Variants in CSMD1 observed in about 807,000 individuals in gnomAD.
CSMD1 encodes the protein CUB and sushi domain-containing protein 1.
Under a neutral mutation model 417.5 loss-of-function variants are expected in CSMD1, and 213 were observed. The observed-to-expected ratio is 0.51, with a 90% CI of 0.46 to 0.57. CSMD1 has a LOEUF of 0.57. CSMD1 is among the 20% of genes least tolerant of loss of function. The pLI, the probability that CSMD1 is intolerant of heterozygous loss-of-function variation, is 0.00. For synonymous variants in CSMD1, 2,862 were observed against 1,736.8 expected (o/e 1.65, Z -16.11); for missense variants, 6,923 against 4,529.7 (o/e 1.53, Z -15.17).
chr8:3,722,199 C>G (rs1802218791), intron 6 of CSMD1, among the ~76,000 whole-genome samples: 2 of 152,114 alleles, frequency 1.3e-5, no homozygotes, highest in Admixed American at 6.5e-5. Context: ...GGCCCACCTA[C>G]TCGGGAGGCT....
intron 3 of CSMD1, among the ~76,000 whole-genome samples, chr8:4,333,599 G>A (rs1030059236): frequency 6.6e-6 from 1 of 152,144 alleles, no homozygotes; most frequent in Non-Finnish European, 1.5e-5. Context: ...TCTTGCTGTT[G>A]TTACTGATGC....
chr8:4,057,006 G>A (rs1435243984), intron 3 of CSMD1, among the ~76,000 whole-genome samples: 1 of 152,202 alleles, frequency 6.6e-6, no homozygotes, highest in Non-Finnish European at 1.5e-5. Flanking sequence ...ACGTGTGCAT[G>A]TGTCTTTATA....
At chr8:4,213,385 A>T (rs987099223) in intron 3 of CSMD1, among the ~76,000 whole-genome samples, 1 of 152,178 alleles carries the variant, frequency 6.6e-6, no homozygotes, top group Non-Finnish European at 1.5e-5. Context: ...TGAAATTTAC[A>T]TGCTTCAATC....
chr8:3,108,955 C>T (rs971341283), intron 43 of CSMD1, among the ~76,000 whole-genome samples: 1 of 152,160 alleles, frequency 6.6e-6, no homozygotes, highest in Non-Finnish European at 1.5e-5. Context: ...GTTCCACAGG[C>T]ACTCGGCACT....
intron 1 of CSMD1, among the ~76,000 whole-genome samples, chr8:4,964,480 C>T (rs191599550): frequency 4.6e-4 from 46 of 100,346 alleles, no homozygotes; most frequent in Non-Finnish European, 6.8e-4. Context: ...GATCCCATCA[C>T]AACACAGCAA....
At chr8:4,489,946 G>C (rs557868800) in intron 2 of CSMD1, among the ~76,000 whole-genome samples, 2 of 151,906 alleles carry the variant, frequency 1.3e-5, no homozygotes, top group African/African-American at 4.8e-5. Flanking sequence ...GTCTGTGATC[G>C]TCATTAAGTA....
In CSMD1 at chr8:4,685,500, C is replaced by G. The variant is rs146375141; in HGVS notation, c.86-47942G>C. ...TGAGGCAGGAGAATCGCTTAGAACT[C>G]AGGAGGCGGAGGTTGCAGTGAGTCG... is the stretch of plus-strand genomic sequence containing the variant. On this transcript the variant is annotated intron_variant, in intron 1 of 69. Transcript: ENST00000635120. Among the ~76,000 whole-genome samples, 1,391 of 152,112 alleles carry G rather than the reference C, an allele frequency of 9.1e-3. 19 individuals carry two copies. The highest frequency in any genetic ancestry group is 0.031 in the African/African-American group (1,300 of 41,494).
intron 12 of CSMD1, among the ~76,000 whole-genome samples, chr8:3,454,708 G>C (rs183073246): frequency 2.2e-4 from 34 of 152,326 alleles, no homozygotes; most frequent in Admixed American, 2.0e-3. Context: ...GCTTCCCCTT[G>C]TGGGTAACCC....
intron 7 of CSMD1, among the ~76,000 whole-genome samples, chr8:3,651,775 C>T (rs916007504): frequency 6.6e-6 from 1 of 151,792 alleles, no homozygotes; most frequent in Non-Finnish European, 1.5e-5. Flanking sequence ...AGAGCGCCTA[C>T]CACCATCAGA....
intron 12 of CSMD1, among the ~76,000 whole-genome samples, chr8:3,452,866 T>C (rs1815841281): frequency 6.6e-6 from 1 of 152,234 alleles, no homozygotes; most frequent in East Asian, 1.9e-4. Flanking sequence ...CTTTTTCTAT[T>C]GATTGGAATA....
chr8:3,325,716 C>T (rs1009214126), intron 23 of CSMD1, among the ~76,000 whole-genome samples: 3 of 152,178 alleles, frequency 2.0e-5, no homozygotes, highest in South Asian at 2.1e-4. Flanking sequence ...CCCAGCTACT[C>T]GGGAAGCTGA....
chr8:3,281,229 G>A (rs1167274473), intron 26 of CSMD1, among the ~76,000 whole-genome samples: 1 of 152,116 alleles, frequency 6.6e-6, no homozygotes, highest in East Asian at 1.9e-4. Context: ...GATCACCTGA[G>A]GTAAGGAGTT....
intron 41 of CSMD1, among the ~76,000 whole-genome samples, chr8:3,139,085 C>T (rs1450548685): frequency 6.6e-6 from 1 of 152,140 alleles, no homozygotes. Context: ...GGAGGATAAG[C>T]TGGGAAGCAA....
Position 3,506,828 on chromosome 8 carries a change from A to T in CSMD1, c.1345-13102T>A, listed in dbSNP as rs576647496. ...TTTTTAAATGCTTTTCAAGGTCTTA[A>T]ATTTTAAAAACACCATAAAACTAAA... On this transcript the variant is annotated intron_variant, in intron 10 of 69. Coordinates refer to ENST00000635120, the MANE Select transcript of CSMD1 (RefSeq NM_033225.6). Among the ~76,000 whole-genome samples, 4 of 152,278 alleles carry T rather than the reference A, an allele frequency of 2.6e-5. No homozygotes were observed. The East Asian group carries it at 7.7e-4, about 29-fold the overall frequency.
At chr8:4,426,464 A>G (rs1376169949) in intron 2 of CSMD1, among the ~76,000 whole-genome samples, 2 of 148,244 alleles carry the variant, frequency 1.3e-5, no homozygotes, top group Non-Finnish European at 3.0e-5. Flanking sequence ...AAACATACAG[A>G]CTACAGTTTA....
chr8:2,996,639 A>T (rs1385612096), intron 54 of CSMD1, among the ~76,000 whole-genome samples: 1 of 152,314 alleles, frequency 6.6e-6, no homozygotes, highest in Middle Eastern at 3.4e-3. Flanking sequence ...TTCCTAAAAC[A>T]CCACTGCACA....
intron 3 of CSMD1, among the ~76,000 whole-genome samples, chr8:4,103,498 A>C (rs1287061381): frequency 1.3e-5 from 2 of 150,898 alleles, no homozygotes; most frequent in African/African-American, 2.4e-5. Flanking sequence ...ATATAAATAA[A>C]CATATAAATA....
chr8:3,608,343 G>C (rs191722280), intron 8 of CSMD1, among the ~76,000 whole-genome samples: 3 of 152,274 alleles, frequency 2.0e-5, no homozygotes, highest in East Asian at 3.9e-4. Context: ...CATTGTGGAA[G>C]AAAAGAGAAA....
chr8:3,681,321 G>A (rs1178185087), intron 7 of CSMD1, among the ~76,000 whole-genome samples: 1 of 152,156 alleles, frequency 6.6e-6, no homozygotes, highest in Non-Finnish European at 1.5e-5. Context: ...TCCTTAAGCT[G>A]ATAAGCAACT....
Sources: allele counts gnomAD v4.1 joint callset (sites outside exome capture counted in the v4.1 genomes callset), GRCh38; gene constraint gnomAD v4.1.1; transcripts MANE v1.5; gene names NCBI Gene and HGNC (gene_info 2026-07-23, HGNC 2026-07-21).